DOC2A: variants seen among roughly 807,000 people sequenced by gnomAD.
DOC2A encodes the protein double C2-like domain-containing protein alpha.
DOC2A carries 28 observed loss-of-function variants against 40.6 expected under a neutral mutation model. The observed-to-expected ratio is 0.69, with a 90% CI of 0.51 to 0.95. The LOEUF is 0.95. Ranked by LOEUF, DOC2A falls within the 40% of genes least tolerant of loss-of-function variation. The pLI, the probability that DOC2A is intolerant of heterozygous loss-of-function variation, is 0.00. For missense variants in DOC2A, 474 were observed against 552.5 expected, an observed-to-expected ratio of 0.86 and a Z score of 1.42; for synonymous variants, 241 against 236.9, an observed-to-expected ratio of 1.02 and a Z score of -0.16.
Position 30,009,958 on chromosome 16 carries a change from C to G in DOC2A, c.262+3G>C. 10 of 1,611,210 alleles carry G rather than the reference C, an allele frequency of 6.2e-6. No homozygotes were observed. The highest frequency in any genetic ancestry group is 8.5e-6 in the Non-Finnish European group (10 of 1,179,732). ...CATGGGGCCTCCAAGCCCCCAGACT[C>G]ACTGGCATCATCCGAGTCATAGCTG... On this transcript the variant is annotated splice_donor_region_variant and intron_variant, in intron 2 of 10. Coordinates refer to ENST00000350119, the MANE Select transcript of DOC2A (RefSeq NM_003586.3). The surrounding 1 kb of genome is among the most constrained non-coding windows in gnomAD (Gnocchi z 4.1).
upstream of DOC2A, chr16:30,011,075 G>A: frequency 1.0e-6 from 1 of 976,692 alleles, no homozygotes; most frequent in Non-Finnish European, 1.2e-6. Flanking sequence ...AGCCGGCGCG[G>A]CGGCGGGGGA....
chr16:30,007,662 AGTACC>A, intron 5 of DOC2A: 1 of 366,222 alleles, frequency 2.7e-6, no homozygotes, highest in South Asian at 2.3e-5. Context: ...CAGCCAGACC[AGTACC>A]CCACGCCTCC....
In DOC2A at chr16:30,006,686, G is replaced by A. The variant is rs767004381; in HGVS notation, c.879-9C>T. 41 of 1,604,710 alleles carry A rather than the reference G, an allele frequency of 2.6e-5. 1 individual carries two copies. In the South Asian group the frequency reaches 4.0e-4, roughly 15 times the overall value. ...CATCGGGCCTCAGGTACCTGGGGGT[G>A]GGGTGGAGGGAGACGAACTGAGGGG... On this transcript the variant is annotated splice_polypyrimidine_tract_variant and intron_variant, in intron 8 of 10. Coordinates refer to ENST00000350119, the MANE Select transcript of DOC2A (RefSeq NM_003586.3). This position sits in a 1 kb window ranked among gnomAD's most constrained non-coding sequence, Gnocchi z 6.2.
Position 30,006,027 on chromosome 16 carries a change from C to T in DOC2A, c.*159G>A. 1.2e-6 allele frequency: 1 copy of T among 801,198 alleles called. No individual in the cohort carries two copies. Among genetic ancestry groups the T allele is most frequent in the Middle Eastern group, 3.7e-4 (1 of 2,696 alleles). The allele number at this position is 801,198 out of a possible 1,614,324, so 49.6% of individuals were successfully genotyped here. ...TTGCATATGTGAATATAGAACTCCG[C>T]AGCCCCTCATGAGCAGACAGACCCG... On this transcript the variant is annotated 3_prime_UTR_variant, in exon 11 of 11. Transcript: ENST00000350119. This position sits in a 1 kb window ranked among gnomAD's most constrained non-coding sequence, Gnocchi z 6.2.
upstream of DOC2A, among the ~76,000 whole-genome samples, chr16:30,013,815 A>C (rs2070825234): frequency 1.3e-5 from 2 of 150,930 alleles, no homozygotes; most frequent in Admixed American, 1.3e-4. Context: ...CCTGGGTTCA[A>C]GCAATTCTCC....
chr16:30,011,214 A>G, upstream of DOC2A: 1 of 719,256 alleles, frequency 1.4e-6, no homozygotes, highest in Non-Finnish European at 1.7e-6. Context: ...GGGCACGCGG[A>G]CCGGCACACA....
chr16:30,006,088 TG>T lies in DOC2A; in HGVS notation c.*97del. ...ACTCACAAAAATAGGTAGTGCAGGGTGGGGGCAGCCCACCCTGTGTAAACGT... is the reference window on the plus strand; with the variant it reads ...ACTCACAAAAATAGGTAGTGCAGGGTGGGGCAGCCCACCCTGTGTAAACGT... On this transcript the variant is annotated 3_prime_UTR_variant, in exon 11 of 11. Transcript: ENST00000350119. The surrounding 1 kb of genome is among the most constrained non-coding windows in gnomAD (Gnocchi z 6.2). The T allele has an allele frequency of 7.2e-7, 1 of 1,389,540 alleles. No homozygotes were observed. Among genetic ancestry groups the T allele is most frequent in the Non-Finnish European group, 9.6e-7 (1 of 1,037,236 alleles). The allele number at this position is 1,389,540 out of a possible 1,614,324, so 86.1% of individuals were successfully genotyped here. A position where few individuals can be genotyped will look rare whatever the true frequency, so the allele number is the denominator to read the frequency against.
Position 30,005,805 on chromosome 16 carries a change from CTT to C in DOC2A, c.*379_*380del. On this transcript the variant is annotated 3_prime_UTR_variant, in exon 11 of 11. Transcript: ENST00000350119. ...AGTGGCTCTGGGTTTGTTTTTTGTCCTTTTTTTTTGAGACATTCTCCTCCTCT... is the reference window on the plus strand; with the variant it reads ...AGTGGCTCTGGGTTTGTTTTTTGTCCTTTTTTTGAGACATTCTCCTCCTCT... 1 of 443,866 alleles carries C rather than the reference CTT, an allele frequency of 2.3e-6. No individual in the cohort carries two copies. Among genetic ancestry groups the C allele is most frequent in the Non-Finnish European group, 4.0e-6 (1 of 248,422 alleles). The allele number at this position is 443,866 out of a possible 1,614,324, so 27.5% of individuals were successfully genotyped here. A position where few individuals can be genotyped will look rare whatever the true frequency, so the allele number is the denominator to read the frequency against.
At chr16:30,023,153 G>A (rs1312256690), upstream of DOC2A, 9 of 509,756 alleles carry the variant, frequency 1.8e-5, no homozygotes, top group Non-Finnish European at 2.9e-5. Flanking sequence ...CACCATTATG[G>A]TTTTATCATC....
At position 30,009,176 on chromosome 16, in the gene DOC2A, C is replaced by A. The variant is rs140999204; in HGVS notation, c.417+26G>T. ...CACAGGCTGGAGTCATGGGCTGGGC[C>A]GGGCGGGGCGAGAGGAGGCTGTTAC... On this transcript the variant is annotated intron_variant, in intron 4 of 10. Transcript: ENST00000350119. This position sits in a 1 kb window ranked among gnomAD's most constrained non-coding sequence, Gnocchi z 4.1. 8 of 1,166,970 alleles carry A rather than the reference C, an allele frequency of 6.9e-6. No individual in the cohort carries two copies. In the African/African-American group the frequency reaches 9.4e-5, roughly 14 times the overall value. The allele number at this position is 1,166,970 out of a possible 1,614,324, so 72.3% of individuals were successfully genotyped here.
intron 1 of DOC2A, chr16:30,018,966 T>C (rs1455979703): frequency 2.6e-5 from 4 of 152,214 alleles, no homozygotes; most frequent in Admixed American, 6.6e-5. Context: ...TGAGCTCTTT[T>C]GTGGACTTGA....
intron 1 of DOC2A, among the ~76,000 whole-genome samples, chr16:30,020,952 G>C (rs2070901980): frequency 6.6e-6 from 1 of 151,964 alleles, no homozygotes. Context: ...AGCCCAGGAG[G>C]TCGAGGCTGC....
chr16:30,007,772 C>T, intron 5 of DOC2A: 1 of 269,372 alleles, frequency 3.7e-6, no homozygotes, highest in South Asian at 4.1e-5. Flanking sequence ...TGTCCTCCTG[C>T]AGTCCCTGCC....
At chr16:30,016,484 C>G (rs2070858396), upstream of DOC2A, among the ~76,000 whole-genome samples, 1 of 152,146 alleles carries the variant, frequency 6.6e-6, no homozygotes, top group Non-Finnish European at 1.5e-5. Context: ...GACCTGGGCG[C>G]AGGGGGCCTG....
At chr16:30,021,645 CG>C (rs1177877374), upstream of DOC2A, 1 of 151,948 alleles carries the variant, frequency 6.6e-6, no homozygotes, top group Non-Finnish European at 1.5e-5. Context: ...GTGGAAGAGG[CG>C]GGAGGAGGCC....
Position 30,009,098 on chromosome 16 carries a change from T to C in DOC2A, c.425A>G (p.Lys142Arg), listed in dbSNP as rs755183524. The C allele has an allele frequency of 2.5e-6, 4 of 1,614,002 alleles. No individual in the cohort carries two copies. Among genetic ancestry groups the C allele is most frequent in the Non-Finnish European group, 3.4e-6 (4 of 1,179,868 alleles). ...HLLPGACKAN[K>R]LKTKTQRNTL... ...GTTCCTCTGAGTCTTCGTTTTTAGCTTATTGGCCTGGGATGTGGGGATGAA... is the reference window on the plus strand; with the variant it reads ...GTTCCTCTGAGTCTTCGTTTTTAGCCTATTGGCCTGGGATGTGGGGATGAA... The change falls in exon 5 of 11, where the codon AAG becomes AGG. Residue 142 changes from lysine (K) to arginine (R), a missense_variant. Transcript: ENST00000350119. This position sits in a 1 kb window ranked among gnomAD's most constrained non-coding sequence, Gnocchi z 4.1.
In DOC2A at chr16:30,009,759, A is replaced by C. The variant is rs369979307; in HGVS notation, c.262+202T>G. ...GGCTGTGTGGGTGGTGGAGTGTCTC[A>C]GCAGAAATACTGAATATTGAGCCTT... is the stretch of plus-strand genomic sequence containing the variant. On this transcript the variant is annotated intron_variant, in intron 2 of 10. Coordinates refer to ENST00000350119, the MANE Select transcript of DOC2A (RefSeq NM_003586.3). This position sits in a 1 kb window ranked among gnomAD's most constrained non-coding sequence, Gnocchi z 4.1. Among the ~76,000 whole-genome samples the C allele has an allele frequency of 3.3e-5, 5 of 152,046 alleles. No homozygotes were observed. The East Asian group carries it at 9.7e-4, about 29-fold the overall frequency.
upstream of DOC2A, among the ~76,000 whole-genome samples, chr16:30,014,328 A>G (rs753356425): frequency 6.6e-6 from 1 of 151,692 alleles, no homozygotes; most frequent in Non-Finnish European, 1.5e-5. Context: ...TCACAGTTTC[A>G]TTTTAACTTA....
upstream of DOC2A, among the ~76,000 whole-genome samples, chr16:30,016,053 A>T (rs1184025427): frequency 0.015 from 278 of 18,062 alleles, 2 homozygotes; most frequent in East Asian, 0.093. Context: ...ATATATATAT[A>T]TATTTTTTTT....
Sources: allele counts gnomAD v4.1 joint callset (sites outside exome capture counted in the v4.1 genomes callset), GRCh38; gene constraint gnomAD v4.1.1; non-coding constraint Gnocchi (gnomAD v3.1); transcripts MANE v1.5; gene names NCBI Gene and HGNC (gene_info 2026-07-23, HGNC 2026-07-21).